KDM4C: variants seen among roughly 807,000 people sequenced by gnomAD.
KDM4C encodes the protein lysine demethylase 4C, also known as lysine-specific demethylase 4C.
KDM4C carries 81 observed loss-of-function variants against 129.3 expected under a neutral mutation model. That is an observed-to-expected ratio of 0.63 (90% CI 0.52 to 0.75). The LOEUF (loss-of-function observed/expected upper bound fraction) is 0.75. KDM4C is among the 30% of genes least tolerant of loss of function. The pLI is 0.00. For synonymous variants in KDM4C, 573 were observed against 456.1 expected, an observed-to-expected ratio of 1.26 and a Z score of -3.26; for missense variants, 1,457 against 1,304.0, an observed-to-expected ratio of 1.12 and a Z score of -1.81.
intron 8 of KDM4C, among the ~76,000 whole-genome samples, chr9:6,909,743 A>G (rs1161715344): frequency 2.0e-5 from 3 of 152,214 alleles, no homozygotes; most frequent in African/African-American, 7.2e-5. Flanking sequence ...ATTTGACAGC[A>G]AAAGAGGGTG....
intron 1 of KDM4C, chr9:6,727,258 C>G (rs1563911703): frequency 1.3e-5 from 2 of 151,508 alleles, no homozygotes; most frequent in African/African-American, 4.9e-5. Flanking sequence ...CGAGACCAGA[C>G]TGGCCAACAT....
intron 4 of KDM4C, among the ~76,000 whole-genome samples, chr9:6,819,653 A>T (rs1319797199): frequency 1.3e-5 from 2 of 152,222 alleles, no homozygotes; most frequent in South Asian, 4.1e-4. Flanking sequence ...AATTCAACAA[A>T]TGAGAAATAA....
chr9:6,903,413 A>G (rs547377150), intron 8 of KDM4C, among the ~76,000 whole-genome samples: 3 of 152,184 alleles, frequency 2.0e-5, no homozygotes, highest in Non-Finnish European at 4.4e-5. Flanking sequence ...CCCCAGGAGA[A>G]TGTAGTTGGT....
intron 15 of KDM4C, among the ~76,000 whole-genome samples, chr9:7,024,291 T>C (rs967754498): frequency 6.7e-6 from 1 of 148,904 alleles, no homozygotes; most frequent in African/African-American, 2.5e-5. Context: ...ATGTTTTCGT[T>C]TTTTTTTTTT....
At chr9:6,738,026 C>G (rs546014138) in intron 1 of KDM4C, among the ~76,000 whole-genome samples, 1 of 151,640 alleles carries the variant, frequency 6.6e-6, no homozygotes, top group African/African-American at 2.4e-5. Context: ...TCTAGCTACT[C>G]AGGAGGCTGG....
chr9:6,892,882 A>G (rs1846301611), intron 7 of KDM4C, among the ~76,000 whole-genome samples: 1 of 152,222 alleles, frequency 6.6e-6, no homozygotes, highest in Non-Finnish European at 1.5e-5. Context: ...TTCAAGTGCC[A>G]GCAAGCCACA....
chr9:6,863,073 T>G (rs1841256631), intron 5 of KDM4C, among the ~76,000 whole-genome samples: 1 of 152,168 alleles, frequency 6.6e-6, no homozygotes, highest in African/African-American at 2.4e-5. Flanking sequence ...TCAGGGTAAC[T>G]GGGATATCTG....
chr9:6,766,593 A>C (rs1820678600), intron 1 of KDM4C, among the ~76,000 whole-genome samples: 1 of 151,976 alleles, frequency 6.6e-6, no homozygotes, highest in Non-Finnish European at 1.5e-5. Context: ...TAATGTCTTC[A>C]GTGTGGTTCC....
intron 17 of KDM4C, among the ~76,000 whole-genome samples, chr9:7,056,283 T>C (rs537632054): frequency 3.9e-5 from 6 of 152,062 alleles, no homozygotes; most frequent in Admixed American, 3.9e-4. Context: ...ATCATTAAGA[T>C]AATGTTCTTC....
Position 6,893,104 on chromosome 9 carries a change from G to A in KDM4C, c.793G>A (p.Glu265Lys). The A allele has an allele frequency of 1.9e-6, 3 of 1,580,426 alleles. No individual in the cohort carries two copies. The highest frequency in any genetic ancestry group is 2.6e-6 in the Non-Finnish European group (3 of 1,162,784). ...YGIPFDKITQ[E>K]AGEFMITFPY... Reference sequence around the variant, plus strand: ...GTTTCCTACCTTGCAGATAACCCAGGAGGCTGGAGAATTCATGATCACTTT... The same window carrying A: ...GTTTCCTACCTTGCAGATAACCCAGAAGGCTGGAGAATTCATGATCACTTT... The change falls in exon 8 of 22, where the codon GAG becomes AAG. Residue 265 changes from glutamate (E) to lysine (K), a missense_variant. Glu to Lys is a moderately conservative substitution (Grantham distance 56). Coordinates refer to ENST00000381309, the MANE Select transcript of KDM4C (RefSeq NM_015061.6).
intron 4 of KDM4C, among the ~76,000 whole-genome samples, chr9:6,815,421 C>T (rs188456571): frequency 3.9e-5 from 6 of 152,054 alleles, no homozygotes; most frequent in Admixed American, 3.3e-4. Flanking sequence ...CAGTATATTG[C>T]CCTGGCTGGT....
chr9:6,940,013 CCTTCCTTCCTTCCTTCCTTCTTTCCT>C (rs1825613160), intron 8 of KDM4C, among the ~76,000 whole-genome samples: 2 of 130,692 alleles, frequency 1.5e-5, no homozygotes, highest in African/African-American at 5.8e-5. Context: ...TTCCTTCCTT[CCTTCCTTCCTTCCTTCCTTCTTTCCT>C]TCCTTCCCTC....
rs549243010 is a variant in KDM4C at position 6,946,304 on chromosome 9, T to A, written c.922-34621T>A. The stretch of plus-strand genomic sequence containing the variant: ...ATATTTTAATTTTATTTTTTATTAA[T>A]TATATAGAGATGTACCTGACACACC... On this transcript the variant is annotated intron_variant, in intron 8 of 21. Coordinates refer to ENST00000381309, the MANE Select transcript of KDM4C (RefSeq NM_015061.6). 3.1e-3 allele frequency among the ~76,000 whole-genome samples: 469 copies of A among 152,240 alleles called. 1 individual carries two copies. The highest frequency in any genetic ancestry group is 0.011 in the African/African-American group (448 of 41,566).
At position 6,731,595 on chromosome 9, in the gene KDM4C, G is replaced by A. The variant is rs542618010; in HGVS notation, c.49+10598G>A. Among the ~76,000 whole-genome samples, 756 of 152,144 alleles carry A rather than the reference G, an allele frequency of 5.0e-3. 8 individuals carry two copies. Among genetic ancestry groups the A allele is most frequent in the African/African-American group, 0.017 (708 of 41,528 alleles). On this transcript the variant is annotated intron_variant, in intron 1 of 17. Coordinates refer to the KDM4C transcript ENST00000536108. Reference sequence around the variant, plus strand: ...GATCCGCCCACCTCGGCCTCCCAAAGTGCTGGGATTACAGGCATGAGCCAC... The same window carrying A: ...GATCCGCCCACCTCGGCCTCCCAAAATGCTGGGATTACAGGCATGAGCCAC...
At chr9:6,785,679 C>A (rs1255966277) in intron 1 of KDM4C, among the ~76,000 whole-genome samples, 1 of 152,174 alleles carries the variant, frequency 6.6e-6, no homozygotes, top group South Asian at 2.1e-4. Flanking sequence ...GGATCAGGGC[C>A]GACCCTAATC....
At chr9:7,123,008 T>G (rs1318807435) in intron 18 of KDM4C, among the ~76,000 whole-genome samples, 4 of 152,342 alleles carry the variant, frequency 2.6e-5, no homozygotes, top group African/African-American at 9.6e-5. Flanking sequence ...TTATGGGGTA[T>G]GCTTGTCAAT....
intron 17 of KDM4C, among the ~76,000 whole-genome samples, chr9:7,096,399 A>G (rs771421666): frequency 6.6e-6 from 1 of 152,180 alleles, no homozygotes; most frequent in Non-Finnish European, 1.5e-5. Context: ...GGTCTAGGAA[A>G]AAAGGGCAGG....
intron 19 of KDM4C, among the ~76,000 whole-genome samples, chr9:7,129,359 AC>A (rs1489188180): frequency 6.6e-6 from 1 of 152,162 alleles, no homozygotes; most frequent in Non-Finnish European, 1.5e-5. Flanking sequence ...AACAAAAGTG[AC>A]CTTATTTGAA....
At chr9:6,949,507 T>A (rs1827697697) in intron 8 of KDM4C, among the ~76,000 whole-genome samples, 1 of 152,080 alleles carries the variant, frequency 6.6e-6, no homozygotes, top group Non-Finnish European at 1.5e-5. Context: ...AGGTGGAGGT[T>A]GTAGCGAGCC....
Sources: allele counts gnomAD v4.1 joint callset (sites outside exome capture counted in the v4.1 genomes callset), GRCh38; gene constraint gnomAD v4.1.1; transcripts MANE v1.5; gene names NCBI Gene and HGNC (gene_info 2026-07-23, HGNC 2026-07-21).